The following EXOC4 variants were observed in gnomAD, a reference collection of about 807,000 sequenced individuals.
EXOC4 encodes the protein exocyst complex component 4.
A neutral mutation model predicts 107.2 loss-of-function variants in EXOC4; 71 were observed. The observed-to-expected ratio is 0.66, with a 90% CI of 0.55 to 0.81. EXOC4 has a LOEUF of 0.81. Ranked by LOEUF, EXOC4 falls within the 30% of genes least tolerant of loss-of-function variation. EXOC4 has a pLI of 0.00. For synonymous variants in EXOC4, 456 were observed against 441.2 expected (o/e 1.03, Z -0.42); for missense variants, 1,108 against 1,189.6 (o/e 0.93, Z 1.01).
At chr7:133,435,002 A>T (rs1334163413) in intron 7 of EXOC4, among the ~76,000 whole-genome samples, 2 of 152,158 alleles carry the variant, frequency 1.3e-5, no homozygotes, top group Admixed American at 6.5e-5. Context: ...AATTTTCCAG[A>T]AAATAGTCTC....
At chr7:134,007,641 C>A in intron 16 of EXOC4, 35 bp from the exon 17 acceptor site, 1 of 1,528,680 alleles carries the variant, frequency 6.5e-7, no homozygotes, top group Non-Finnish European at 8.8e-7. Context: ...ATCTGTCATC[C>A]GTTTTCTTTG....
intron 7 of EXOC4, among the ~76,000 whole-genome samples, chr7:133,377,265 A>G (rs1337664870): frequency 6.6e-6 from 1 of 152,160 alleles, no homozygotes; most frequent in Non-Finnish European, 1.5e-5. Context: ...GAGGCAGCAG[A>G]ATTGCTTGAA....
chr7:133,477,369 G>A (rs1799042159), intron 8 of EXOC4, among the ~76,000 whole-genome samples: 1 of 152,114 alleles, frequency 6.6e-6, no homozygotes, highest in Admixed American at 6.6e-5. Context: ...ATCTCCATAA[G>A]TTTTGCTTTT....
intron 14 of EXOC4, among the ~76,000 whole-genome samples, chr7:133,997,181 G>A (rs2116282755): frequency 6.6e-6 from 1 of 152,346 alleles, no homozygotes; most frequent in Middle Eastern, 3.4e-3. Context: ...CCACATGACA[G>A]TGAAGGCCTC....
chr7:133,790,161 A>G (rs1342649924), intron 10 of EXOC4, among the ~76,000 whole-genome samples: 1 of 152,228 alleles, frequency 6.6e-6, no homozygotes, highest in African/African-American at 2.4e-5. Flanking sequence ...TCAATGAATC[A>G]GTGGTTGCTG....
intron 11 of EXOC4, among the ~76,000 whole-genome samples, chr7:133,877,581 C>T (rs1320487320): frequency 6.6e-6 from 1 of 152,132 alleles, no homozygotes; most frequent in African/African-American, 2.4e-5. Flanking sequence ...GAGGTTCTTC[C>T]ACTGTAGCTA....
intron 14 of EXOC4, among the ~76,000 whole-genome samples, chr7:133,938,430 G>A (rs1170762951): frequency 6.6e-6 from 1 of 152,084 alleles, no homozygotes; most frequent in African/African-American, 2.4e-5. Context: ...AAACTGTCTC[G>A]GAGCTCAGGG....
At chr7:134,060,487 G>A (rs1458989004) in intron 17 of EXOC4, among the ~76,000 whole-genome samples, 2 of 152,170 alleles carry the variant, frequency 1.3e-5, no homozygotes, top group Non-Finnish European at 2.9e-5. Flanking sequence ...GTCATCAAAT[G>A]GAAAATGTGT....
At chr7:133,409,109 T>A (rs1453588380) in intron 7 of EXOC4, among the ~76,000 whole-genome samples, 1 of 152,214 alleles carries the variant, frequency 6.6e-6, no homozygotes, top group Admixed American at 6.5e-5. Flanking sequence ...ACTTATAGGC[T>A]GTACCTCTGT....
chr7:133,317,630 T>C (rs1398342462), intron 5 of EXOC4, among the ~76,000 whole-genome samples: 1 of 152,238 alleles, frequency 6.6e-6, no homozygotes, highest in Non-Finnish European at 1.5e-5. Flanking sequence ...GCCTGCCTGC[T>C]GAATCCAGCT....
At chr7:133,297,305 T>C (rs1794541260) in intron 3 of EXOC4, among the ~76,000 whole-genome samples, 1 of 152,208 alleles carries the variant, frequency 6.6e-6, no homozygotes, top group African/African-American at 2.4e-5. Flanking sequence ...ATGTTTGGAC[T>C]GACTTGCACT....
chr7:134,078,261 A>G, the EXOC4 span, among the ~76,000 whole-genome samples: 3 of 152,006 alleles, frequency 2.0e-5, no homozygotes, highest in East Asian at 5.8e-4. Flanking sequence ...GAGTACTCAC[A>G]GGAAAGCTTC....
intron 2 of EXOC4, among the ~76,000 whole-genome samples, chr7:133,287,791 G>T (rs1794315866): frequency 6.6e-6 from 1 of 152,132 alleles, no homozygotes; most frequent in Admixed American, 6.5e-5. Flanking sequence ...GTACTTGTTG[G>T]ATGAATGTTG....
chr7:133,766,390 A>C (rs1384100706), intron 10 of EXOC4, among the ~76,000 whole-genome samples: 1 of 151,980 alleles, frequency 6.6e-6, no homozygotes, highest in African/African-American at 2.4e-5. Flanking sequence ...AAGGAAAGCA[A>C]CTCGCTTTCT....
chr7:133,660,760 A>G (rs990028008), intron 10 of EXOC4, among the ~76,000 whole-genome samples: 1 of 152,166 alleles, frequency 6.6e-6, no homozygotes, highest in African/African-American at 2.4e-5. Flanking sequence ...CATAGTAAAT[A>G]CTTCATTAAA....
intron 11 of EXOC4, among the ~76,000 whole-genome samples, chr7:133,876,072 G>C (rs1798841146): frequency 6.6e-6 from 1 of 152,134 alleles, no homozygotes; most frequent in Non-Finnish European, 1.5e-5. Flanking sequence ...AGGTAGGTAG[G>C]CATATCTGTT....
At chr7:133,472,577 C>A (rs1293331236) in intron 7 of EXOC4, among the ~76,000 whole-genome samples, 1 of 152,074 alleles carries the variant, frequency 6.6e-6, no homozygotes, top group East Asian at 1.9e-4. Flanking sequence ...ATATATCAAG[C>A]ATGCAGTCAC....
intron 17 of EXOC4, among the ~76,000 whole-genome samples, chr7:134,036,615 A>G (rs1462614543): frequency 3.3e-5 from 5 of 152,216 alleles, no homozygotes; most frequent in East Asian, 1.9e-4. Flanking sequence ...GAGAATTCTC[A>G]GAACTGCTGA....
intron 12 of EXOC4, among the ~76,000 whole-genome samples, chr7:133,914,926 T>C (rs557363507): frequency 6.6e-6 from 1 of 152,266 alleles, no homozygotes; most frequent in African/African-American, 2.4e-5. Flanking sequence ...AACTTAAAAA[T>C]TGTGGATTTC....
Sources: allele counts gnomAD v4.1 joint callset (sites outside exome capture counted in the v4.1 genomes callset), GRCh38; gene constraint gnomAD v4.1.1; transcripts MANE v1.5; gene names NCBI Gene and HGNC (gene_info 2026-07-23, HGNC 2026-07-21).